The following CNTN5 variants were observed in gnomAD, a reference collection of about 807,000 sequenced individuals.
CNTN5 encodes contactin-5.
In CNTN5, 77 loss-of-function variants were observed where a neutral mutation model predicts 129.1. The ratio of observed to expected loss-of-function variants is 0.60; its 90% confidence interval spans 0.50 to 0.72. CNTN5 has a LOEUF of 0.72. Ranked by LOEUF, CNTN5 falls within the 30% of genes least tolerant of loss-of-function variation. The probability of loss-of-function intolerance (pLI) is 0.00; values close to 1 mark genes in which losing one functional copy is unlikely to be tolerated. For missense variants in CNTN5, 1,478 were observed against 1,328.8 expected (o/e 1.11, Z -1.75); for synonymous variants, 509 against 465.6 (o/e 1.09, Z -1.20).
intron 1 of CNTN5, among the ~76,000 whole-genome samples, chr11:99,217,695 T>C (rs536538291): frequency 4.3e-4 from 65 of 152,208 alleles, no homozygotes; most frequent in African/African-American, 1.5e-3. Flanking sequence ...CAGGAGAAAA[T>C]AGAAGAGAAG....
intron 8 of CNTN5, among the ~76,000 whole-genome samples, chr11:99,983,156 A>G (rs1938458190): frequency 6.6e-6 from 1 of 152,202 alleles, no homozygotes; most frequent in Non-Finnish European, 1.5e-5. Flanking sequence ...TAATGATTTG[A>G]ACTTTGTACT....
chr11:99,663,833 A>T lies in CNTN5; in HGVS notation c.55+107564A>T, dbSNP rs527764856. On this transcript the variant is annotated intron_variant, in intron 3 of 24. Coordinates refer to ENST00000524871, the MANE Select transcript of CNTN5 (RefSeq NM_014361.4). ...AATTAAACCTCTTTTCTTTATACTT[A>T]CCCAGTCTCAGGTAGTATCTTTATA... Among the ~76,000 whole-genome samples, 11 of 152,284 alleles carry T rather than the reference A, an allele frequency of 7.2e-5. No individual in the cohort carries two copies. The East Asian group carries it at 2.1e-3, about 29-fold the overall frequency.
intron 14 of CNTN5, among the ~76,000 whole-genome samples, chr11:100,192,301 A>G (rs1948516635): frequency 6.6e-6 from 1 of 152,042 alleles, no homozygotes; most frequent in African/African-American, 2.4e-5. Context: ...GAACACTCCA[A>G]TCCCCACAAA....
At chr11:99,853,251 A>T (rs529717644) in intron 6 of CNTN5, among the ~76,000 whole-genome samples, 1 of 152,254 alleles carries the variant, frequency 6.6e-6, no homozygotes, top group Non-Finnish European at 1.5e-5. Flanking sequence ...ACCAAGTGCT[A>T]AATGTTGCTA....
intron 2 of CNTN5, among the ~76,000 whole-genome samples, chr11:99,329,115 G>T (rs1319295734): frequency 1.3e-5 from 2 of 152,054 alleles, no homozygotes; most frequent in African/African-American, 4.8e-5. Context: ...AAATATGTTG[G>T]TGCATTAATA....
At chr11:100,011,223 G>A (rs529441537) in intron 9 of CNTN5, among the ~76,000 whole-genome samples, 69 of 152,092 alleles carry the variant, frequency 4.5e-4, no homozygotes, top group Middle Eastern at 3.4e-3. Flanking sequence ...TCATTTCACC[G>A]TGTGACCTTT....
At chr11:99,842,807 CTAGT>C (rs1351081482) in intron 4 of CNTN5, among the ~76,000 whole-genome samples, 3 of 152,018 alleles carry the variant, frequency 2.0e-5, no homozygotes, top group African/African-American at 4.8e-5. Context: ...ACAATTTTCT[CTAGT>C]TATTTATTAA....
At chr11:100,008,549 T>A (rs1940329693) in intron 9 of CNTN5, among the ~76,000 whole-genome samples, 1 of 152,134 alleles carries the variant, frequency 6.6e-6, no homozygotes, top group Admixed American at 6.6e-5. Flanking sequence ...CTTCCAGGAT[T>A]TCCATAGTCT....
intron 1 of CNTN5, among the ~76,000 whole-genome samples, chr11:99,128,976 A>AAGAT (rs1404147596): frequency 6.6e-6 from 1 of 152,214 alleles, no homozygotes; most frequent in Non-Finnish European, 1.5e-5. Flanking sequence ...TCCAAGATTA[A>AAGAT]AGATAGATAA....
chr11:100,207,489 A>G (rs1404990188), intron 15 of CNTN5, among the ~76,000 whole-genome samples: 2 of 152,284 alleles, frequency 1.3e-5, no homozygotes, highest in Non-Finnish European at 2.9e-5. Flanking sequence ...TGAAGATATA[A>G]CATTACTAAC....
intron 2 of CNTN5, among the ~76,000 whole-genome samples, chr11:99,429,497 C>T (rs1943272273): frequency 6.6e-6 from 1 of 152,058 alleles, no homozygotes; most frequent in Admixed American, 6.6e-5. Context: ...TAGCAAAATA[C>T]ACATCTCAAA....
chr11:99,976,238 A>G (rs1362209863), intron 8 of CNTN5, among the ~76,000 whole-genome samples: 1 of 152,198 alleles, frequency 6.6e-6, no homozygotes, highest in Non-Finnish European at 1.5e-5. Flanking sequence ...TCTGCAGGAT[A>G]CAGCCCTCTT....
intron 1 of CNTN5, among the ~76,000 whole-genome samples, chr11:99,219,414 G>A (rs1860288748): frequency 1.3e-5 from 2 of 151,804 alleles, no homozygotes; most frequent in Non-Finnish European, 2.9e-5. Context: ...GCAAGGAGGT[G>A]GATAAGGTGA....
At chr11:99,707,048 T>G (rs1954786419) in intron 3 of CNTN5, among the ~76,000 whole-genome samples, 1 of 151,434 alleles carries the variant, frequency 6.6e-6, no homozygotes, top group South Asian at 2.1e-4. Context: ...AATAGCCATG[T>G]GGGTGAGATT....
At chr11:99,775,822 G>A (rs370743674) in intron 3 of CNTN5, among the ~76,000 whole-genome samples, 2 of 151,460 alleles carry the variant, frequency 1.3e-5, no homozygotes, top group Admixed American at 6.6e-5. Context: ...GTATTTTTAC[G>A]TTAGCGTTCC....
chr11:99,224,547 G>A (rs17133281), intron 1 of CNTN5, among the ~76,000 whole-genome samples: 6,175 of 152,100 alleles, frequency 0.041, 317 homozygotes, highest in African/African-American at 0.12. Flanking sequence ...GGTGTAGCAC[G>A]GGCGTCATTA....
intron 16 of CNTN5, 40 bp downstream of exon 16, chr11:100,224,852 A>G: frequency 6.2e-7 from 1 of 1,602,330 alleles, no homozygotes; most frequent in Admixed American, 1.7e-5. Context: ...CATGATCACC[A>G]TAAATTATCA....
intron 21 of CNTN5, among the ~76,000 whole-genome samples, chr11:100,329,849 C>A (rs1299733505): frequency 6.6e-6 from 1 of 152,168 alleles, no homozygotes; most frequent in Non-Finnish European, 1.5e-5. Flanking sequence ...CCAGATCTTC[C>A]CTCTAACATA....
intron 3 of CNTN5, among the ~76,000 whole-genome samples, chr11:99,563,509 C>T (rs2135556610): frequency 6.6e-6 from 1 of 152,266 alleles, no homozygotes; most frequent in South Asian, 2.1e-4. Context: ...ATGCATATTG[C>T]CTTAGTTAGC....
Sources: allele counts gnomAD v4.1 joint callset (sites outside exome capture counted in the v4.1 genomes callset), GRCh38; gene constraint gnomAD v4.1.1; transcripts MANE v1.5; gene names NCBI Gene and HGNC (gene_info 2026-07-23, HGNC 2026-07-21).